The following P4HA3 variants were observed in gnomAD, a reference collection of about 807,000 sequenced individuals.
The protein encoded by P4HA3 is prolyl 4-hydroxylase subunit alpha-3.
In P4HA3, 60 loss-of-function variants were observed where a neutral mutation model predicts 66.7. The ratio of observed to expected loss-of-function variants is 0.90; its 90% CI spans 0.73 to 1.12. The LOEUF is 1.12. P4HA3 is among the 50% of genes most tolerant of loss of function. P4HA3 has a pLI of 0.00. For missense variants in P4HA3, 683 were observed against 685.8 expected (o/e 1.00, Z 0.05); for synonymous variants, 263 against 274.6 (o/e 0.96, Z 0.42).
intron 9 of P4HA3, among the ~76,000 whole-genome samples, chr11:74,276,397 T>A (rs1034259961): frequency 6.6e-6 from 1 of 151,672 alleles, no homozygotes; most frequent in South Asian, 2.1e-4. Flanking sequence ...ACCTTGTCTC[T>A]ACAAAAAAAA....
In P4HA3 at chr11:74,267,117, C is replaced by T. The variant is rs533764229; in HGVS notation, c.*131G>A. 8.8e-5 allele frequency: 137 copies of T among 1,549,458 alleles called. No homozygotes were observed. Among genetic ancestry groups the T allele is most frequent in the Non-Finnish European group, 1.0e-4 (120 of 1,151,626 alleles). On this transcript the variant is annotated 3_prime_UTR_variant, in exon 13 of 13. Coordinates refer to ENST00000331597, the MANE Select transcript of P4HA3 (RefSeq NM_182904.5). ...CAACCTCTCCCTTGCCTCTGATTTG[C>T]GAGGCACAGACAAAGCTGACAAGGC...
intron 10 of P4HA3, among the ~76,000 whole-genome samples, chr11:74,271,716 C>G (rs1860206280): frequency 6.6e-6 from 1 of 152,116 alleles, no homozygotes; most frequent in Non-Finnish European, 1.5e-5. Flanking sequence ...GACTTCAACT[C>G]AATCCTCTGT....
Position 74,289,072 on chromosome 11 carries a change from T to C in P4HA3, c.769+7A>G, listed in dbSNP as rs1860908071. 2 of 1,560,304 alleles carry C rather than the reference T, an allele frequency of 1.3e-6. No homozygotes were observed. The highest frequency in any genetic ancestry group is 1.4e-5 in the African/African-American group (1 of 71,738). On this transcript the variant is annotated splice_region_variant and intron_variant, in intron 5 of 12. Transcript: ENST00000331597. Reference sequence around the variant, plus strand: ...TGTGGCTGGCTTATCTTTTATCCATTACGTACTGTAGAGAAGAAACTCCCG... The same window carrying C: ...TGTGGCTGGCTTATCTTTTATCCATCACGTACTGTAGAGAAGAAACTCCCG...
intron 3 of P4HA3, among the ~76,000 whole-genome samples, chr11:74,300,839 T>G (rs1227914951): frequency 6.6e-6 from 1 of 152,194 alleles, no homozygotes; most frequent in East Asian, 1.9e-4. Context: ...GAAGCTTTAT[T>G]CACAGTAGCC....
chr11:74,273,258 T>A (rs1860268925), intron 10 of P4HA3, among the ~76,000 whole-genome samples: 1 of 152,156 alleles, frequency 6.6e-6, no homozygotes, highest in South Asian at 2.1e-4. Context: ...AGTCCCTCTA[T>A]CTCTTGGCCT....
intron 15 of P4HA3, chr11:74,250,907 A>G (rs1396837030): frequency 2.0e-6 from 3 of 1,491,086 alleles, no homozygotes; most frequent in Non-Finnish European, 2.8e-6. Context: ...TGCATAAGAG[A>G]GGGCTCTTTT....
chr11:74,296,091 G>A (rs1861203394), intron 4 of P4HA3, among the ~76,000 whole-genome samples: 1 of 152,234 alleles, frequency 6.6e-6, no homozygotes, highest in African/African-American at 2.4e-5. Flanking sequence ...TATGTATCAT[G>A]TAATAAGAAC....
rs1055137932 is a variant in P4HA3 at position 74,289,773 on chromosome 11, A to T, written c.718-643T>A. ...ATCCATGTCCCTACAAAGGACATGAACTCATCATTTTTTATGGCTGCATAG... is the reference window on the plus strand; with the variant it reads ...ATCCATGTCCCTACAAAGGACATGATCTCATCATTTTTTATGGCTGCATAG... On this transcript the variant is annotated intron_variant, in intron 4 of 12. Coordinates refer to ENST00000331597, the MANE Select transcript of P4HA3 (RefSeq NM_182904.5). Among the ~76,000 whole-genome samples, 3 of 151,798 alleles carry T rather than the reference A, an allele frequency of 2.0e-5. No homozygotes were observed. In the South Asian group the frequency reaches 6.2e-4, roughly 32 times the overall value.
chr11:74,290,488 C>T (rs9888196), intron 4 of P4HA3, among the ~76,000 whole-genome samples: 4,239 of 150,864 alleles, frequency 0.028, 201 homozygotes, highest in African/African-American at 0.097. Context: ...GTTGCCATTG[C>T]TTTTGGTGTT....
intron 4 of P4HA3, among the ~76,000 whole-genome samples, chr11:74,296,934 C>CTTTTTTTTTT (rs540922878): frequency 9.7e-5 from 12 of 123,916 alleles, no homozygotes; most frequent in Middle Eastern, 8.9e-3. Context: ...TTCTTTTTTT[C>CTTTTTTTTTT]TTTTTTTTTT....
At position 74,311,508 on chromosome 11, in the gene P4HA3, G is replaced by C. The variant is rs1305804991; in HGVS notation, c.104C>G (p.Thr35Ser). ...GGGCGCCAGGGCGCGCGCCACGCTG[G>C]TCAGCGCCGAGAACGTGTCGCCCCG... ...AARGDTFSAL[T>S]SVARALAPER... is the part of the protein sequence containing the mutation. The change falls in exon 1 of 13, where the codon ACC (threonine) becomes AGC (serine). Residue 35 changes from threonine (T) to serine (S), a missense_variant. By Grantham distance (58) the Thr-to-Ser change is moderately conservative. Coordinates refer to ENST00000331597, the MANE Select transcript of P4HA3 (RefSeq NM_182904.5). 1 of 1,538,804 alleles carries C rather than the reference G, an allele frequency of 6.5e-7. No individual in the cohort carries two copies. The highest frequency in any genetic ancestry group is 8.7e-7 in the Non-Finnish European group (1 of 1,150,816).
chr11:74,311,440 C>A lies in P4HA3; in HGVS notation c.172G>T (p.Glu58Ter), dbSNP rs994945392. Residue 58 changes from glutamate (E) to a stop codon, truncating the protein, a stop_gained, in exon 1 of 13, where the codon GAG (glutamate) becomes TAG (stop). Coordinates refer to ENST00000331597, the MANE Select transcript of P4HA3 (RefSeq NM_182904.5). LOFTEE classifies it high-confidence loss of function. ...GTCAGGTCCCGCAGCCGCGCCTCCTCCCCGCGCAGGTACCGCCTCAGCAGC... is the reference window on the plus strand; with the variant it reads ...GTCAGGTCCCGCAGCCGCGCCTCCTACCCGCGCAGGTACCGCCTCAGCAGC... ...LGLLRRYLRGEEARLRDLTRF... is the reference protein window; with the variant it reads ...LGLLRRYLRG The A allele has an allele frequency of 3.2e-6, 5 of 1,538,478 alleles. No homozygotes were observed. The African/African-American group carries it at 7.0e-5, about 21-fold the overall frequency.
intron 11 of P4HA3, among the ~76,000 whole-genome samples, chr11:74,268,501 C>G (rs983956908): frequency 6.6e-6 from 1 of 152,348 alleles, no homozygotes; most frequent in East Asian, 1.9e-4. Context: ...CAGGAGCTCA[C>G]AAGAAACAGA....
intron 10 of P4HA3, among the ~76,000 whole-genome samples, chr11:74,271,023 A>G (rs1305848258): frequency 6.6e-6 from 1 of 152,230 alleles, no homozygotes; most frequent in Non-Finnish European, 1.5e-5. Context: ...ATCACACAAG[A>G]GTGCCAGTTT....
chr11:74,301,763 G>T (rs771816099), intron 3 of P4HA3, among the ~76,000 whole-genome samples: 1 of 152,162 alleles, frequency 6.6e-6, no homozygotes, highest in Admixed American at 6.5e-5. Context: ...GGGGGCGGGG[G>T]TGTTCCTGAA....
intron 15 of P4HA3, chr11:74,251,287 C>A (rs77154243): frequency 0.017 from 22,630 of 1,359,502 alleles, 484 homozygotes; most frequent in African/African-American, 0.1. Context: ...TCCAATACCC[C>A]CAAAAGCCAG....
Position 74,273,593 on chromosome 11 carries a change from G to C in P4HA3, c.1350C>G (p.Pro450=). 6.4e-7 allele frequency: 1 copy of C among 1,563,376 alleles called. No homozygotes were observed. Among genetic ancestry groups the C allele is most frequent in the Middle Eastern group, 1.7e-4 (1 of 5,850 alleles). ...HFDHATSPSS[P]LYRMKSGNRV... ...GGTTTCCTGACTTCATTCTGTAGAG[G>C]GGGCTGCTTGGTGACTGAGAAAAAA... The change falls in exon 10 of 13, where the codon CCC becomes CCG. Residue 450 remains proline (P), a synonymous_variant. Transcript: ENST00000331597.
At chr11:74,250,875 C>A in intron 15 of P4HA3, 1 of 1,263,726 alleles carries the variant, frequency 7.9e-7, no homozygotes, top group Non-Finnish European at 1.1e-6. Flanking sequence ...AGGTCCTGGG[C>A]TCCTGGAATG....
chr11:74,276,081 A>C (rs1488861893), intron 9 of P4HA3, among the ~76,000 whole-genome samples: 1 of 152,240 alleles, frequency 6.6e-6, no homozygotes, highest in Non-Finnish European at 1.5e-5. Flanking sequence ...GTCCTCACTT[A>C]TAAGTGGGGG....
Sources: allele counts gnomAD v4.1 joint callset (sites outside exome capture counted in the v4.1 genomes callset), GRCh38; gene constraint gnomAD v4.1.1; transcripts MANE v1.5; gene names NCBI Gene and HGNC (gene_info 2026-07-23, HGNC 2026-07-21).